The following PARD6G variants were observed in gnomAD, a reference collection of about 807,000 sequenced individuals.
PARD6G encodes the protein par-6 family cell polarity regulator gamma.
Under a neutral mutation model 10.7 loss-of-function variants are expected in PARD6G, and 7 were observed. The ratio of observed to expected loss-of-function variants is 0.66; its 90% confidence interval spans 0.37 to 1.23. PARD6G has a LOEUF of 1.23. Ranked by LOEUF, PARD6G falls within the 50% of genes most tolerant of loss-of-function variation. The pLI, the probability that PARD6G is intolerant of heterozygous loss-of-function variation, is 0.02. For missense variants in PARD6G, 548 were observed against 571.8 expected, an observed-to-expected ratio of 0.96 and a Z score of 0.42; for synonymous variants, 287 against 269.4, an observed-to-expected ratio of 1.07 and a Z score of -0.64.
At chr18:80,168,385 C>T (rs916689091) in intron 2 of PARD6G, among the ~76,000 whole-genome samples, 1 of 152,098 alleles carries the variant, frequency 6.6e-6, no homozygotes, top group Non-Finnish European at 1.5e-5. Flanking sequence ...AAGAATACCC[C>T]ATTTCTAAAA....
At position 80,224,394 on chromosome 18, in the gene PARD6G, C is replaced by T. The variant is rs186049228; in HGVS notation, c.73-21462G>A. ...AAAATCCAAAATCCTTTTGGCCTGC[C>T]TGACTGCCTGGGCCCTGATTCAGTA... On this transcript the variant is annotated intron_variant, in intron 1 of 2. Transcript: ENST00000353265. Among the ~76,000 whole-genome samples, 470 of 152,296 alleles carry T rather than the reference C, an allele frequency of 3.1e-3. 3 individuals carry two copies. The highest frequency in any genetic ancestry group is 0.011 in the African/African-American group (452 of 41,556).
chr18:80,215,801 T>C (rs1011802206), intron 1 of PARD6G, among the ~76,000 whole-genome samples: 1 of 152,034 alleles, frequency 6.6e-6, no homozygotes, highest in African/African-American at 2.4e-5. Context: ...AACATTCTAA[T>C]AGAAAAAGGC....
chr18:80,166,666 T>C lies in PARD6G; in HGVS notation c.296-6060A>G, dbSNP rs1323726270. Among the ~76,000 whole-genome samples, 3 of 151,504 alleles carry C rather than the reference T, an allele frequency of 2.0e-5. 1 individual carries two copies. The highest frequency in any genetic ancestry group is 2.0e-4 in the Admixed American group (3 of 15,204). ...GGGGAGGTACGTGCCCCTTTCATCCTGTCCTGGCTCCTTACATCCTCAGAG... is the reference window on the plus strand; with the variant it reads ...GGGGAGGTACGTGCCCCTTTCATCCCGTCCTGGCTCCTTACATCCTCAGAG... On this transcript the variant is annotated intron_variant, in intron 2 of 2. Transcript: ENST00000353265.
intron 1 of PARD6G, among the ~76,000 whole-genome samples, chr18:80,227,433 C>A (rs745826960): frequency 2.0e-5 from 3 of 152,214 alleles, no homozygotes; most frequent in Non-Finnish European, 4.4e-5. Flanking sequence ...ATAATCTTCC[C>A]CCATCTGGAG....
intron 1 of PARD6G, among the ~76,000 whole-genome samples, chr18:80,234,962 T>C (rs1032114048): frequency 6.6e-6 from 1 of 151,716 alleles, no homozygotes. Flanking sequence ...GACAGAAAAT[T>C]AACAAGGATA....
chr18:80,205,074 T>C (rs980707844), intron 1 of PARD6G, among the ~76,000 whole-genome samples: 8 of 152,108 alleles, frequency 5.3e-5, no homozygotes, highest in African/African-American at 1.7e-4. Context: ...AACTTGGTAT[T>C]TGGACAGTTA....
chr18:80,236,538 G>A (rs147578454), intron 1 of PARD6G, among the ~76,000 whole-genome samples: 3,885 of 152,204 alleles, frequency 0.026, 163 homozygotes, highest in African/African-American at 0.089. Flanking sequence ...AGGGTATTCA[G>A]TTAGGAAAAG....
chr18:80,227,736 C>G (rs769207490), intron 1 of PARD6G, among the ~76,000 whole-genome samples: 215 of 152,306 alleles, frequency 1.4e-3, no homozygotes, highest in Non-Finnish European at 1.9e-3. Flanking sequence ...AGTCTGAGGA[C>G]TTCCCACTCA....
At position 80,160,224 on chromosome 18, in the gene PARD6G, C is replaced by G. The variant is rs752162620; in HGVS notation, c.678G>C (p.Gly226=). 8 of 1,613,100 alleles carry G rather than the reference C, an allele frequency of 5.0e-6. No homozygotes were observed. Among genetic ancestry groups the G allele is most frequent in the South Asian group, 1.1e-5 (1 of 91,088 alleles). The part of the protein sequence containing the change: ...VLEVNGIEVA[G]KTLDQVTDMM... ...TGTCCGTGACCTGGTCCAGCGTCTT[C>G]CCGGCCACCTCAATGCCGTTCACCT... The change falls in exon 3 of 3, where the codon GGG becomes GGC. Residue 226 remains glycine, a synonymous_variant. Coordinates refer to ENST00000353265, the MANE Select transcript of PARD6G (RefSeq NM_032510.4).
chr18:80,211,035 G>A (rs377260303), intron 1 of PARD6G, among the ~76,000 whole-genome samples: 1 of 152,028 alleles, frequency 6.6e-6, no homozygotes, highest in Non-Finnish European at 1.5e-5. Flanking sequence ...TAGTCACTTA[G>A]TAAAAGGTCC....
intron 2 of PARD6G, among the ~76,000 whole-genome samples, chr18:80,186,802 T>C (rs964127473): frequency 1.3e-5 from 2 of 152,154 alleles, no homozygotes; most frequent in African/African-American, 2.4e-5. Context: ...TCTTTTCTGG[T>C]CTTCAGAACC....
chr18:80,160,663 G>C, intron 2 of PARD6G, 57 bp from the exon 3 acceptor site: 3 of 1,427,350 alleles, frequency 2.1e-6, no homozygotes, highest in Non-Finnish European at 2.7e-6. Flanking sequence ...CTGAGCCCTC[G>C]GCCGTCATAC....
rs1056735183 is a variant in PARD6G, at chr18:80,184,979, G to A, written c.295+17731C>T. 2.6e-4 allele frequency: 40 copies of A among 152,114 alleles called. No individual in the cohort carries two copies. Among genetic ancestry groups the A allele is most frequent in the African/African-American group, 7.0e-4 (29 of 41,386 alleles). The allele number at this position is 152,114 out of a possible 1,614,324, so 9.4% of individuals were successfully genotyped here. A position where few individuals can be genotyped will look rare whatever the true frequency, so the allele number is the denominator to read the frequency against. On this transcript the variant is annotated intron_variant, in intron 2 of 2. Coordinates refer to ENST00000353265, the MANE Select transcript of PARD6G (RefSeq NM_032510.4). The surrounding 1 kb of genome is among the most constrained non-coding windows in gnomAD (Gnocchi z 4.5). ...ATAAGGTGGCTCCTTCCAGCTTTGC[G>A]GGAACCTAACTGCTAGTCCCATGAA...
At chr18:80,226,203 CTT>C (rs1967288660) in intron 1 of PARD6G, among the ~76,000 whole-genome samples, 2 of 76,834 alleles carry the variant, frequency 2.6e-5, no homozygotes, top group Non-Finnish European at 4.6e-5. Flanking sequence ...GAGTTTCTCT[CTT>C]TGTTGCGCAG....
Position 80,231,367 on chromosome 18 carries a change from G to C in PARD6G, c.72+15910C>G, listed in dbSNP as rs1967355814. Reference sequence around the variant, plus strand: ...CTCGAACTCCAGCCCGTGGAAGAAAGTGGGGTCCCATTCCGATGTGAGCTC... The same window carrying C: ...CTCGAACTCCAGCCCGTGGAAGAAACTGGGGTCCCATTCCGATGTGAGCTC... On this transcript the variant is annotated intron_variant, in intron 1 of 2. Transcript: ENST00000353265. The surrounding 1 kb of genome is among the most constrained non-coding windows in gnomAD (Gnocchi z 4.2). Among the ~76,000 whole-genome samples, 1 of 152,222 alleles carries C rather than the reference G, an allele frequency of 6.6e-6. No individual in the cohort carries two copies. Among genetic ancestry groups the C allele is most frequent in the Non-Finnish European group, 1.5e-5 (1 of 68,036 alleles).
intron 2 of PARD6G, among the ~76,000 whole-genome samples, chr18:80,185,131 T>C (rs1029552637): frequency 6.6e-6 from 1 of 152,206 alleles, no homozygotes; most frequent in East Asian, 1.9e-4. Context: ...CGTTGATGAA[T>C]TACAATCTGA....
At position 80,200,714 on chromosome 18, in the gene PARD6G, T is replaced by C. The variant is rs1010364541; in HGVS notation, c.295+1996A>G. 1.3e-5 allele frequency among the ~76,000 whole-genome samples: 2 copies of C among 152,092 alleles called. No individual in the cohort carries two copies. Among genetic ancestry groups the C allele is most frequent in the African/African-American group, 4.8e-5 (2 of 41,432 alleles). On this transcript the variant is annotated intron_variant, in intron 2 of 2. Coordinates refer to ENST00000353265, the MANE Select transcript of PARD6G (RefSeq NM_032510.4). The surrounding 1 kb of genome is among the most constrained non-coding windows in gnomAD (Gnocchi z 4.4). ...CAGAGGAAGAAGGAAAAATAAATGA[T>C]GAAGACTGAACACAGGGCCCCAGCC...
chr18:80,162,159 G>C (rs1376205950), intron 2 of PARD6G: 1 of 152,202 alleles, frequency 6.6e-6, no homozygotes, highest in Non-Finnish European at 1.5e-5. Context: ...ATCCTGGCCA[G>C]CACTCAACAC....
Position 80,159,828 on chromosome 18 carries a change from G to C in PARD6G, c.1074C>G (p.His358Gln), listed in dbSNP as rs940332670. Residue 358 changes from histidine to glutamine, a missense_variant, in exon 3 of 3, where the codon CAC becomes CAG. This residue lies in a region of PARD6G where 313 missense variants were observed against 279.9 expected (regional missense o/e 1.12). Transcript: ENST00000353265. ...CGCCGCCTGGCGGCAGCGCCAGGCTGTGACGGGGGTCGGCCCGCAGGGAGC... is the reference window on the plus strand; with the variant it reads ...CGCCGCCTGGCGGCAGCGCCAGGCTCTGACGGGGGTCGGCCCGCAGGGAGC... ...LLSSLRADPRHSLALPPGGVE... is the reference protein window; with the variant it reads ...LLSSLRADPRQSLALPPGGVE... The C allele has an allele frequency of 3.4e-6, 5 of 1,488,518 alleles. No homozygotes were observed. The highest frequency in any genetic ancestry group is 4.4e-6 in the Non-Finnish European group (5 of 1,123,954). The allele number at this position is 1,488,518 out of a possible 1,614,324, so 92.2% of individuals were successfully genotyped here.
Sources: gnomAD v4.1 joint callset for allele counts (sites outside exome capture counted in the v4.1 genomes callset) on GRCh38, gnomAD v4.1.1 for gene constraint, gnomAD v4.1.1 regional missense constraint, Gnocchi (gnomAD v3.1) non-coding constraint, MANE v1.5 for transcripts, NCBI Gene and HGNC (gene_info 2026-07-23, HGNC 2026-07-21) for gene names.